Variants in TECTA observed in about 807,000 individuals in gnomAD.
TECTA encodes alpha-tectorin.
Under a neutral mutation model 216.8 loss-of-function variants are expected in TECTA, and 128 were observed. The ratio of observed to expected loss-of-function variants is 0.59; its 90% CI spans 0.51 to 0.68. TECTA has a LOEUF of 0.68. Ranked by LOEUF, TECTA falls within the 30% of genes least tolerant of loss-of-function variation. TECTA has a pLI of 0.00. For missense variants in TECTA, 2,551 were observed against 2,786.2 expected (o/e 0.92, Z 1.90); for synonymous variants, 1,089 against 1,117.1 (o/e 0.97, Z 0.50).
At chr11:121,140,266 C>T (rs773181829) in intron 11 of TECTA, among the ~76,000 whole-genome samples, 1 of 152,146 alleles carries the variant, frequency 6.6e-6, no homozygotes, top group Non-Finnish European at 1.5e-5. Flanking sequence ...TCCTCGTGAG[C>T]ACCTACTCTT....
Position 121,125,448 on chromosome 11 carries a change from AG to A in TECTA, c.1352del (p.Gly451AlafsTer4). Reference protein sequence around the residue: ...GQHYASISVPGSYINSTCGLC... With the variant: ...GQHYASISVPXSYINSTCGLC... ...AGCACTACGCCTCCATTTCCGTCCC[AG>A]GCTCCTATATAAACTCCACCTGTGG... is the stretch of plus-strand genomic sequence containing the variant. On this transcript the variant is annotated frameshift_variant, in exon 8 of 24. Transcript: ENST00000392793. LOFTEE classifies it high-confidence loss of function. 6.2e-7 allele frequency: 1 copy of A among 1,614,198 alleles called. No individual in the cohort carries two copies. The highest frequency in any genetic ancestry group is 1.1e-5 in the South Asian group (1 of 91,082).
In TECTA at chr11:121,137,808, C is replaced by T. The variant is rs560247815; in HGVS notation, c.3329C>T (p.Thr1110Ile). Residue 1110 changes from threonine (T) to isoleucine (I), a missense_variant, in exon 11 of 24, where the codon ACC (threonine) becomes ATC (isoleucine). Transcript: ENST00000392793. ...CIVSGYGHYL[T>I]FDGFPFDFQT... Reference sequence around the variant, plus strand: ...GTCTCAGGCTACGGCCACTACCTCACCTTTGATGGCTTCCCCTTTGACTTC... The same window carrying T: ...GTCTCAGGCTACGGCCACTACCTCATCTTTGATGGCTTCCCCTTTGACTTC... 2.4e-5 allele frequency: 38 copies of T among 1,612,422 alleles called. No homozygotes were observed. In the Admixed American group the frequency reaches 6.0e-4, roughly 25 times the overall value.
chr11:121,125,519 G>A lies in TECTA; in HGVS notation c.1421G>A (p.Arg474His), dbSNP rs542703373. 42 of 1,614,162 alleles carry A rather than the reference G, an allele frequency of 2.6e-5. No homozygotes were observed. In the Middle Eastern group the frequency reaches 4.9e-4, roughly 19 times the overall value. Residue 474 changes from arginine (R) to histidine (H), a missense_variant, in exon 8 of 24, where the codon CGC (arginine) becomes CAC (histidine). Arg to His is a conservative substitution (Grantham distance 29). Around this residue, in one of 3 missense-constraint regions of TECTA, gnomAD observed 2,375 missense variants for 2,563.9 expected, o/e 0.93. Coordinates refer to ENST00000392793, the MANE Select transcript of TECTA (RefSeq NM_005422.4). Reference protein sequence around the residue: ...YNKNPLDDFLRPDGRPAMSVL... With the variant: ...YNKNPLDDFLHPDGRPAMSVL... ...AAAAACCCACTGGATGACTTCCTCC[G>A]CCCGGATGGCAGGCCGGCCATGTCT...
At position 121,189,231 on chromosome 11, in the gene TECTA, T is replaced by G. The variant is rs113572240; in HGVS notation, c.6250+64T>G. 1.9e-5 allele frequency: 30 copies of G among 1,547,832 alleles called. No individual in the cohort carries two copies. The African/African-American group carries it at 2.0e-4, about 11-fold the overall frequency. On this transcript the variant is annotated intron_variant, in intron 22 of 23. Coordinates refer to ENST00000392793, the MANE Select transcript of TECTA (RefSeq NM_005422.4). ...ACAACGGGATTTCAAGGCTCAGATGTGTTTCACCTCTGATGTGGGTCCAGT... is the reference window on the plus strand; with the variant it reads ...ACAACGGGATTTCAAGGCTCAGATGGGTTTCACCTCTGATGTGGGTCCAGT...
Position 121,146,010 on chromosome 11 carries a change from C to T in TECTA, c.3999C>T (p.Ile1333=), listed in dbSNP as rs775746884. 109 of 1,614,028 alleles carry T rather than the reference C, an allele frequency of 6.8e-5. No individual in the cohort carries two copies. In the South Asian group the frequency reaches 9.3e-4, roughly 14 times the overall value. ...AGAACTGCCTGTTTGACTCTTGCAT[C>T]GATGGGGGCGCGGTGCAGACCGCCT... ...FYKNCLFDSC[I]DGGAVQTACS... is the part of the protein sequence containing the mutation. The change falls in exon 12 of 24, where the codon ATC becomes ATT. Residue 1333 remains isoleucine, a synonymous_variant. Coordinates refer to ENST00000392793, the MANE Select transcript of TECTA (RefSeq NM_005422.4).
chr11:121,143,299 CT>C (rs1252604141), intron 11 of TECTA, among the ~76,000 whole-genome samples: 4 of 152,188 alleles, frequency 2.6e-5, no homozygotes, highest in African/African-American at 9.7e-5. Context: ...CACTAAATTG[CT>C]GTAATTATTC....
At chr11:121,180,547 T>TC in intron 20 of TECTA, among the ~76,000 whole-genome samples, 1 of 152,212 alleles carries the variant, frequency 6.6e-6, no homozygotes, top group Admixed American at 6.5e-5. Flanking sequence ...TTTTTAGAAT[T>TC]CTGTCTTTGG....
intron 8 of TECTA, 141 bp downstream of exon 8, chr11:121,126,013 A>G: frequency 9.7e-7 from 1 of 1,032,880 alleles, no homozygotes; most frequent in South Asian, 1.4e-5. Context: ...ATTACAAAGA[A>G]CGAATTGTGA....
intron 7 of TECTA, among the ~76,000 whole-genome samples, chr11:121,123,701 G>A (rs1391743526): frequency 6.6e-6 from 1 of 152,214 alleles, no homozygotes; most frequent in Non-Finnish European, 1.5e-5. Flanking sequence ...AAAAGCCAGA[G>A]CAATTCTTTT....
In TECTA at chr11:121,113,665, C is replaced by A. The variant is rs1214407952; in HGVS notation, c.737C>A (p.Ala246Glu). ...TTNVNVPGRW[A>E]FKVDGKEIDP... is the part of the protein sequence containing the mutation. ...AACGTCAATGTTCCAGGCCGCTGGG[C>A]ATTTAAAGTTGATGGAAAGGAAATT... Residue 246 changes from alanine (A) to glutamate (E), a missense_variant, in exon 6 of 24, where the codon GCA becomes GAA. Ala to Glu is a moderately radical substitution (Grantham distance 107). This residue lies in a region of TECTA where 2,375 missense variants were observed against 2,563.9 expected (regional missense o/e 0.93). Transcript: ENST00000392793. The surrounding 1 kb of genome is among the most constrained non-coding windows in gnomAD (Gnocchi z 4.2). 6.2e-7 allele frequency: 1 copy of A among 1,613,844 alleles called. No homozygotes were observed. The highest frequency in any genetic ancestry group is 2.2e-5 in the East Asian group (1 of 44,868).
At chr11:121,159,471 A>G (rs1032071178) in intron 14 of TECTA, among the ~76,000 whole-genome samples, 39 of 152,350 alleles carry the variant, frequency 2.6e-4, no homozygotes, top group African/African-American at 6.7e-4. Flanking sequence ...AGCTACTAAT[A>G]GCCTGGGGAG....
Position 121,125,866 on chromosome 11 carries a change from G to C in TECTA, c.1768G>C (p.Gly590Arg). The C allele has an allele frequency of 6.2e-7, 1 of 1,607,758 alleles. No individual in the cohort carries two copies. Among genetic ancestry groups the C allele is most frequent in the Non-Finnish European group, 8.5e-7 (1 of 1,179,996 alleles). ...AATTGGAGACTGGCGAACCCAGACT[G>C]GGTGTGGTAAGCTGGCATCCCATCC... ...IPIGDWRTQTGCVSTVQCPSF... is the reference protein window; with the variant it reads ...IPIGDWRTQTRCVSTVQCPSF... The change falls in exon 8 of 24, where the codon GGG (glycine) becomes CGG (arginine). Residue 590 changes from glycine (G) to arginine (R), a missense_variant. Gly to Arg is a moderately radical substitution (Grantham distance 125). Coordinates refer to ENST00000392793, the MANE Select transcript of TECTA (RefSeq NM_005422.4).
chr11:121,186,442 C>G (rs773364489), intron 20 of TECTA, among the ~76,000 whole-genome samples: 5 of 152,254 alleles, frequency 3.3e-5, no homozygotes, highest in Non-Finnish European at 5.9e-5. Flanking sequence ...CCATTCCTGC[C>G]TCTCTATGCC....
Position 121,137,813 on chromosome 11 carries a change from G to T in TECTA, c.3334G>T (p.Asp1112Tyr). ...AGGCTACGGCCACTACCTCACCTTT[G>T]ATGGCTTCCCCTTTGACTTCCAGAC... ...VSGYGHYLTF[D>Y]GFPFDFQTSC... is the part of the protein sequence containing the mutation. The change falls in exon 11 of 24, where the codon GAT becomes TAT. Residue 1112 changes from aspartate (D) to tyrosine (Y), a missense_variant. Asp to Tyr is a radical substitution (Grantham distance 160, BLOSUM62 -3). Coordinates refer to ENST00000392793, the MANE Select transcript of TECTA (RefSeq NM_005422.4). 2 of 1,612,202 alleles carry T rather than the reference G, an allele frequency of 1.2e-6. No individual in the cohort carries two copies. Among genetic ancestry groups the T allele is most frequent in the Non-Finnish European group, 1.7e-6 (2 of 1,178,360 alleles).
rs1947160875 is a variant in TECTA at position 121,175,873 on chromosome 11, C to T, written c.5999+6948C>T. On this transcript the variant is annotated intron_variant, in intron 20 of 23. Coordinates refer to ENST00000392793, the MANE Select transcript of TECTA (RefSeq NM_005422.4). ...ACTTGCTTTATGAATCTGGGTGCTCCTGTGTTGGGTGCATATGTATTTAGG... is the reference window on the plus strand; with the variant it reads ...ACTTGCTTTATGAATCTGGGTGCTCTTGTGTTGGGTGCATATGTATTTAGG... Among the ~76,000 whole-genome samples the T allele has an allele frequency of 2.0e-5, 3 of 152,148 alleles. No individual in the cohort carries two copies. In the South Asian group the frequency reaches 6.2e-4, roughly 32 times the overall value.
chr11:121,129,955 C>T lies in TECTA; in HGVS notation c.2685C>T (p.Ala895=), dbSNP rs1409228353. The T allele has an allele frequency of 6.2e-7, 1 of 1,607,300 alleles. No homozygotes were observed. Among genetic ancestry groups the T allele is most frequent in the South Asian group, 1.1e-5 (1 of 90,352 alleles). The change falls in exon 10 of 24, where the codon GCC becomes GCT. Residue 895 remains alanine, a synonymous_variant. Transcript: ENST00000392793. ...GAGAGTGTGGGGACCTGCTGAAGGC[C>T]TGCAACAATGACTCGGAGCTGCTCA... ...CNGECGDLLK[A]CNNDSELLKF... is the part of the protein sequence containing the mutation.
At chr11:121,138,075 G>T (rs1248348944) in intron 11 of TECTA, 53 bp downstream of exon 11, 75 of 1,609,856 alleles carry the variant, frequency 4.7e-5, no homozygotes, top group Non-Finnish European at 6.0e-5. Context: ...CGTCAGGATG[G>T]GGTCGGCAAG....
Position 121,162,183 on chromosome 11 carries a change from C to G in TECTA, c.5085C>G (p.Thr1695=). 4 of 1,614,170 alleles carry G rather than the reference C, an allele frequency of 2.5e-6. No homozygotes were observed. The highest frequency in any genetic ancestry group is 2.5e-6 in the Non-Finnish European group (3 of 1,180,046). Residue 1695 remains threonine (T), a synonymous_variant, in exon 16 of 24, where the codon ACC becomes ACG. Coordinates refer to ENST00000392793, the MANE Select transcript of TECTA (RefSeq NM_005422.4). Reference sequence around the variant, plus strand: ...GTGATGGCTACTGCCTGAAGCTCACCGACATGAAGGGCTTCTTCCAGCCCT... The same window carrying G: ...GTGATGGCTACTGCCTGAAGCTCACGGACATGAAGGGCTTCTTCCAGCCCT... The part of the protein sequence containing the change: ...MQGDGYCLKL[T]DMKGFFQPCY...
Position 121,136,002 on chromosome 11 carries a change from A to G in TECTA, c.2942-1419A>G, listed in dbSNP as rs1284674346. On this transcript the variant is annotated intron_variant, in intron 10 of 23. Coordinates refer to ENST00000392793, the MANE Select transcript of TECTA (RefSeq NM_005422.4). ...CAGACGGAGTCTCGCTCTGTCACCC[A>G]GGCTGGAGTACAGTGGCGCAATCTC... Among the ~76,000 whole-genome samples, 4 of 150,822 alleles carry G rather than the reference A, an allele frequency of 2.7e-5. No individual in the cohort carries two copies. In the East Asian group the frequency reaches 7.7e-4, roughly 29 times the overall value.
Sources: allele counts gnomAD v4.1 joint callset (sites outside exome capture counted in the v4.1 genomes callset), GRCh38; gene constraint gnomAD v4.1.1; regional missense constraint gnomAD v4.1.1; non-coding constraint Gnocchi (gnomAD v3.1); transcripts MANE v1.5; gene names NCBI Gene and HGNC (gene_info 2026-07-23, HGNC 2026-07-21).